The following MAP3K13 variants were observed in gnomAD, a reference collection of about 807,000 sequenced individuals.
MAP3K13 encodes leucine zipper-bearing kinase.
In MAP3K13, 52 loss-of-function variants were observed where a neutral mutation model predicts 104.0. The ratio of observed to expected loss-of-function variants is 0.50; its 90% CI spans 0.40 to 0.63. The LOEUF is 0.63. Among genes scored for constraint, MAP3K13 ranks in the 20% least tolerant of loss-of-function variants. The pLI is 0.00. For synonymous variants in MAP3K13, 394 were observed against 442.2 expected (o/e 0.89, Z 1.37); for missense variants, 914 against 1,218.5 (o/e 0.75, Z 3.72).
At chr3:185,480,605 C>A in intron 13 of MAP3K13, 76 bp downstream of exon 13, 10 of 1,437,710 alleles carry the variant, frequency 7.0e-6, no homozygotes, top group Non-Finnish European at 8.4e-6. Flanking sequence ...AGGGCCTTTA[C>A]AATTTTCATT....
intron 1 of MAP3K13, among the ~76,000 whole-genome samples, chr3:185,386,196 G>A (rs1354884880): frequency 1.3e-5 from 2 of 151,842 alleles, no homozygotes; most frequent in Non-Finnish European, 2.9e-5. Context: ...CATCTATAAG[G>A]AGCTTAAACA....
At chr3:185,454,634 T>TG (rs1716222565) in intron 7 of MAP3K13, among the ~76,000 whole-genome samples, 7 of 25,612 alleles carry the variant, frequency 2.7e-4, no homozygotes, top group Non-Finnish European at 8.4e-4. Context: ...GAGATATATA[T>TG]ATGAGATATA....
intron 2 of MAP3K13, among the ~76,000 whole-genome samples, chr3:185,301,166 C>T (rs1213223828): frequency 6.6e-6 from 1 of 151,730 alleles, no homozygotes; most frequent in Non-Finnish European, 1.5e-5. Flanking sequence ...AGTGGTCATC[C>T]TAATAGGTAT....
intron 2 of MAP3K13, among the ~76,000 whole-genome samples, chr3:185,326,919 G>A (rs1181164886): frequency 6.6e-6 from 1 of 152,116 alleles, no homozygotes; most frequent in East Asian, 1.9e-4. Flanking sequence ...TGCGTATTCT[G>A]TTCAGTCTTG....
intron 2 of MAP3K13, among the ~76,000 whole-genome samples, chr3:185,316,438 C>G (rs923904478): frequency 3.3e-5 from 5 of 152,098 alleles, no homozygotes; most frequent in Non-Finnish European, 5.9e-5. Context: ...CCCAGGAGTT[C>G]AAGACCAGGC....
Position 185,290,054 on chromosome 3 carries a change from G to C in MAP3K13, c.-86+4411G>C, listed in dbSNP as rs148290177. Among the ~76,000 whole-genome samples, 348 of 152,164 alleles carry C rather than the reference G, an allele frequency of 2.3e-3. 2 individuals carry two copies. The highest frequency in any genetic ancestry group is 7.2e-3 in the African/African-American group (297 of 41,520). On this transcript the variant is annotated intron_variant, in intron 2 of 14. Transcript: ENST00000424227. Reference sequence around the variant, plus strand: ...TTGCTGAAGGTTAATGTATATAAAGGCTTGCCTAAGTAAAAATAGCTATTA... The same window carrying C: ...TTGCTGAAGGTTAATGTATATAAAGCCTTGCCTAAGTAAAAATAGCTATTA...
rs1336365305 is a variant in MAP3K13 at position 185,477,315 on chromosome 3, G to A, written c.2431-11G>A. 6.4e-7 allele frequency: 1 copy of A among 1,559,338 alleles called. No individual in the cohort carries two copies. The highest frequency in any genetic ancestry group is 8.8e-7 in the Non-Finnish European group (1 of 1,130,324). ...AAAATAAATAAAACTCTTAATCCTTGTTCTCCTCAGAGTGGAGATGACTCC... is the reference window on the plus strand; with the variant it reads ...AAAATAAATAAAACTCTTAATCCTTATTCTCCTCAGAGTGGAGATGACTCC... On this transcript the variant is annotated splice_polypyrimidine_tract_variant and intron_variant, in intron 11 of 13. Transcript: ENST00000265026.
exon 2 of MAP3K13, chr3:185,285,581 T>A: frequency 6.5e-7 from 1 of 1,529,522 alleles, no homozygotes; most frequent in Non-Finnish European, 8.8e-7. Context: ...CCACGGACCA[T>A]TAATGGACAA....
chr3:185,436,250 G>A (rs192816738), intron 2 of MAP3K13, among the ~76,000 whole-genome samples: 322 of 152,166 alleles, frequency 2.1e-3, no homozygotes, highest in African/African-American at 7.3e-3. Flanking sequence ...AGAATATGAA[G>A]CACTAATAAT....
chr3:185,417,568 G>A, intron 1 of MAP3K13: 1 of 1,610,578 alleles, frequency 6.2e-7, no homozygotes, highest in Non-Finnish European at 8.5e-7. Flanking sequence ...TGGTTTCTTG[G>A]TAGCTGCTGC....
In MAP3K13 at chr3:185,292,779, A is replaced by C. The variant is rs891728260; in HGVS notation, c.-86+7136A>C. The C allele has an allele frequency of 5.1e-6, 5 of 985,300 alleles. No homozygotes were observed. In the East Asian group the frequency reaches 4.5e-4, roughly 89 times the overall value. The allele number at this position is 985,300 out of a possible 1,614,324, so 61.0% of individuals were successfully genotyped here. On this transcript the variant is annotated intron_variant, in intron 2 of 14. Coordinates refer to the MAP3K13 transcript ENST00000424227. ...TTTCTCTGAGTTGAGTCCCTAAAAT[A>C]CTATCATGGGCTAATTCTAAGAAGG...
At chr3:185,356,876 ATG>A (rs1723376827) in intron 2 of MAP3K13, among the ~76,000 whole-genome samples, 3 of 148,724 alleles carry the variant, frequency 2.0e-5, no homozygotes, top group African/African-American at 7.8e-5. Flanking sequence ...GTATGTATGT[ATG>A]TATGTATGTA....
intron 2 of MAP3K13, among the ~76,000 whole-genome samples, chr3:185,340,087 TA>T (rs1266154002): frequency 6.6e-6 from 1 of 152,178 alleles, no homozygotes; most frequent in Admixed American, 6.5e-5. Context: ...CTAGAGGTTA[TA>T]AAAATGTTTT....
intron 1 of MAP3K13, among the ~76,000 whole-genome samples, chr3:185,409,779 A>G (rs1403651676): frequency 4.6e-5 from 7 of 152,242 alleles, no homozygotes; most frequent in Non-Finnish European, 8.8e-5. Context: ...GTATATGTAC[A>G]CAATTGAATA....
At chr3:185,312,758 A>AT (rs1461243679) in intron 2 of MAP3K13, among the ~76,000 whole-genome samples, 2 of 152,210 alleles carry the variant, frequency 1.3e-5, no homozygotes, top group African/African-American at 4.8e-5. Flanking sequence ...AATAGATAAT[A>AT]AAGTTCTCTA....
chr3:185,357,447 T>TAAAAAAAAAAAAAAAAAAAAAA (rs71162295), intron 2 of MAP3K13, among the ~76,000 whole-genome samples: 6 of 91,338 alleles, frequency 6.6e-5, no homozygotes, highest in Admixed American at 1.3e-4. Flanking sequence ...AAACTCCATC[T>TAAAAAAAAAAAAAAAAAAAAAA]AAAAAAAAAA....
chr3:185,410,342 G>A (rs1713363600), intron 1 of MAP3K13, among the ~76,000 whole-genome samples: 1 of 152,158 alleles, frequency 6.6e-6, no homozygotes, highest in Admixed American at 6.5e-5. Context: ...GATTCTAGAG[G>A]CTGGGGAGGA....
chr3:185,348,606 A>T (rs774240545), intron 2 of MAP3K13, among the ~76,000 whole-genome samples: 7 of 152,124 alleles, frequency 4.6e-5, no homozygotes, highest in Non-Finnish European at 8.8e-5. Context: ...TCTGTCCCCT[A>T]GACCACGAGG....
intron 2 of MAP3K13, among the ~76,000 whole-genome samples, chr3:185,324,583 T>A (rs1016809255): frequency 5.3e-5 from 8 of 152,152 alleles, no homozygotes; most frequent in Non-Finnish European, 7.4e-5. Flanking sequence ...GTTTCTTCCC[T>A]CTCCCAGGGG....
Sources: gnomAD v4.1 joint callset for allele counts (sites outside exome capture counted in the v4.1 genomes callset) on GRCh38, gnomAD v4.1.1 for gene constraint, MANE v1.5 for transcripts, NCBI Gene and HGNC (gene_info 2026-07-23, HGNC 2026-07-21) for gene names.